RCAN3: variants seen among roughly 807,000 people sequenced by gnomAD.
The protein encoded by RCAN3 is calcipressin-3.
RCAN3 carries 19 observed loss-of-function variants against 21.9 expected under a neutral mutation model. The ratio of observed to expected loss-of-function variants is 0.87; its 90% CI spans 0.61 to 1.27. The LOEUF is 1.27. RCAN3 is among the 50% of genes most tolerant of loss of function. The probability of loss-of-function intolerance (pLI) is 0.00; values close to 1 mark genes in which losing one functional copy is unlikely to be tolerated. For missense variants in RCAN3, 240 were observed against 300.1 expected (o/e 0.80, Z 1.48); for synonymous variants, 114 against 112.3 (o/e 1.01, Z -0.09).
chr1:24,514,208 A>C (rs184680115), intron 1 of RCAN3, 106 bp from the exon 2 acceptor site: 45 of 505,568 alleles, frequency 8.9e-5, no homozygotes, highest in African/African-American at 8.8e-4. Flanking sequence ...TCATCGTTCT[A>C]AATAAAATTG....
At chr1:24,518,464 A>G (rs1310866975) in intron 2 of RCAN3, among the ~76,000 whole-genome samples, 1 of 152,210 alleles carries the variant, frequency 6.6e-6, no homozygotes, top group Non-Finnish European at 1.5e-5. Flanking sequence ...TTATGCATGT[A>G]CTCTGCTAAT....
At position 24,532,201 on chromosome 1, in the gene RCAN3, A is replaced by G. The variant is rs1649817413; in HGVS notation, c.369+810A>G. On this transcript the variant is annotated intron_variant, in intron 3 of 4. Transcript: ENST00000374395. ...GTTGCTGTCGTTCATTTCTCTCTTC[A>G]TCCATTTATTTATTTATTTATTATT... Among the ~76,000 whole-genome samples, 3 of 151,650 alleles carry G rather than the reference A, an allele frequency of 2.0e-5. 1 individual carries two copies. The South Asian group carries it at 6.2e-4, about 32-fold the overall frequency.
intron 2 of RCAN3, among the ~76,000 whole-genome samples, chr1:24,517,074 CTATTTTTTTG>C (rs1648381476): frequency 7.2e-6 from 1 of 139,190 alleles, no homozygotes. Flanking sequence ...ACAATCTTTT[CTATTTTTTTG>C]TTTTTTTTTG....
chr1:24,535,523 A>G lies in RCAN3; in HGVS notation c.*246A>G. ...AAGGAGAAGCCCCCAAGATGTGGCC[A>G]CCCTTAACCATTTTTAAATAGTAAC... On this transcript the variant is annotated 3_prime_UTR_variant, in exon 5 of 5. Coordinates refer to ENST00000374395, the MANE Select transcript of RCAN3 (RefSeq NM_013441.4). 1 of 383,882 alleles carries G rather than the reference A, an allele frequency of 2.6e-6. No individual in the cohort carries two copies. The highest frequency in any genetic ancestry group is 4.6e-6 in the Non-Finnish European group (1 of 219,598). The allele number at this position is 383,882 out of a possible 1,614,324, so 23.8% of individuals were successfully genotyped here. A position where few individuals can be genotyped will look rare whatever the true frequency, so the allele number is the denominator to read the frequency against.
At chr1:24,516,577 C>T (rs569969739) in intron 2 of RCAN3, among the ~76,000 whole-genome samples, 1 of 152,264 alleles carries the variant, frequency 6.6e-6, no homozygotes, top group Admixed American at 6.5e-5. Context: ...CAGGAGAAAT[C>T]GGACTAGAAG....
At chr1:24,526,307 G>T (rs890919473) in intron 2 of RCAN3, among the ~76,000 whole-genome samples, 4 of 152,106 alleles carry the variant, frequency 2.6e-5, no homozygotes, top group African/African-American at 7.2e-5. Flanking sequence ...GTCCAGGCTG[G>T]TCTCAAGTTC....
At chr1:24,513,063 C>G in intron 1 of RCAN3, among the ~76,000 whole-genome samples, 1 of 152,044 alleles carries the variant, frequency 6.6e-6, no homozygotes, top group South Asian at 2.1e-4. Context: ...CAGTGAAACC[C>G]CATCTCTACT....
rs948383411 is a variant in RCAN3, at chr1:24,539,668, C to T, written c.*4391C>T. On this transcript the variant is annotated 3_prime_UTR_variant, in exon 5 of 5. Transcript: ENST00000374395. ...CTTCATATTTTTATACAGACTATTT[C>T]ACAGACCATAGATTTATTTTAAAAG... The T allele has an allele frequency of 4.6e-5, 7 of 152,194 alleles. No homozygotes were observed. Among genetic ancestry groups the T allele is most frequent in the Non-Finnish European group, 8.8e-5 (6 of 68,038 alleles). 9.4% of individuals were successfully genotyped at this position (152,194 alleles called of 1,614,324 possible). A position where few individuals can be genotyped will look rare whatever the true frequency, so the allele number is the denominator to read the frequency against.
chr1:24,526,820 A>G (rs1649311249), intron 2 of RCAN3, among the ~76,000 whole-genome samples: 1 of 152,204 alleles, frequency 6.6e-6, no homozygotes, highest in Non-Finnish European at 1.5e-5. Flanking sequence ...CCAAGAACCA[A>G]ATGGGATGTG....
In RCAN3 at chr1:24,525,307, A is replaced by G. The variant is rs1374865447; in HGVS notation, c.196-5911A>G. ...TGTGTTGTTCTTAGCTATTTTAGGTACAAGGTATGTACTGTCATTTTGATG... is the reference window on the plus strand; with the variant it reads ...TGTGTTGTTCTTAGCTATTTTAGGTGCAAGGTATGTACTGTCATTTTGATG... On this transcript the variant is annotated intron_variant, in intron 2 of 4. Coordinates refer to ENST00000374395, the MANE Select transcript of RCAN3 (RefSeq NM_013441.4). This position sits in a 1 kb window ranked among gnomAD's most constrained non-coding sequence, Gnocchi z 4.1. Among the ~76,000 whole-genome samples, 3 of 152,222 alleles carry G rather than the reference A, an allele frequency of 2.0e-5. No individual in the cohort carries two copies. The highest frequency in any genetic ancestry group is 2.1e-4 in the South Asian group (1 of 4,836).
In RCAN3 at chr1:24,535,224, G is replaced by A. The variant is rs201388228; in HGVS notation, c.673G>A (p.Asp225Asn). The A allele has an allele frequency of 4.1e-5, 65 of 1,583,768 alleles. No individual in the cohort carries two copies. In the Admixed American group the frequency reaches 1.0e-3, roughly 25 times the overall value. The change falls in exon 5 of 5, where the codon GAC (aspartate) becomes AAC (asparagine). Residue 225 changes from aspartate to asparagine, a missense_variant. Physicochemically the swap from Asp to Asn is conservative, Grantham distance 23. Transcript: ENST00000374395. ...GAAAATTGCCCAGACGAGGCGCCCCGACCCTCCGACCGCAGCGTTGAATGA... is the reference window on the plus strand; with the variant it reads ...GAAAATTGCCCAGACGAGGCGCCCCAACCCTCCGACCGCAGCGTTGAATGA... The part of the protein sequence containing the change: ...KQKIAQTRRP[D>N]PPTAALNEPQ...
At chr1:24,505,225 C>CTTTTTTTTTTTTTTTTTT (rs1351108344) in intron 1 of RCAN3, among the ~76,000 whole-genome samples, 12 of 109,552 alleles carry the variant, frequency 1.1e-4, no homozygotes, top group South Asian at 3.0e-4. Flanking sequence ...TTTTTTTTCT[C>CTTTTTTTTTTTTTTTTTT]TTTTTTCTTT....
At chr1:24,519,400 T>G (rs1215813468) in intron 2 of RCAN3, among the ~76,000 whole-genome samples, 2 of 152,120 alleles carry the variant, frequency 1.3e-5, no homozygotes, top group Non-Finnish European at 2.9e-5. Context: ...TGAGGAGTTT[T>G]CAAAATATAA....
In RCAN3 at chr1:24,505,001, C is replaced by T. The variant is rs1177361179; in HGVS notation, c.-60+1851C>T. ...TTCTAGGTTATCTGTGAAAACAAGA[C>T]ATGGGTCATTGAAACATACAAAATA... On this transcript the variant is annotated intron_variant, in intron 1 of 4. Coordinates refer to ENST00000374395, the MANE Select transcript of RCAN3 (RefSeq NM_013441.4). Among the ~76,000 whole-genome samples, 3 of 152,284 alleles carry T rather than the reference C, an allele frequency of 2.0e-5. No individual in the cohort carries two copies. In the East Asian group the frequency reaches 5.8e-4, roughly 29 times the overall value.
At chr1:24,510,231 A>C (rs1187954038) in intron 1 of RCAN3, among the ~76,000 whole-genome samples, 1 of 152,220 alleles carries the variant, frequency 6.6e-6, no homozygotes, top group Admixed American at 6.5e-5. Flanking sequence ...TAAAGTCACC[A>C]GCTATGTTAG....
At chr1:24,506,964 A>G (rs1193231148) in intron 1 of RCAN3, among the ~76,000 whole-genome samples, 1 of 152,174 alleles carries the variant, frequency 6.6e-6, no homozygotes, top group African/African-American at 2.4e-5. Flanking sequence ...CCTCTTTTTA[A>G]TGGGTTGGGA....
At chr1:24,506,992 G>C (rs988926512) in intron 1 of RCAN3, among the ~76,000 whole-genome samples, 1 of 152,094 alleles carries the variant, frequency 6.6e-6, no homozygotes, top group African/African-American at 2.4e-5. Flanking sequence ...AGAAACATTA[G>C]TGCCTCTAAG....
At chr1:24,533,672 C>T (rs1299153420) in intron 4 of RCAN3, among the ~76,000 whole-genome samples, 17 of 152,104 alleles carry the variant, frequency 1.1e-4, no homozygotes, top group African/African-American at 3.1e-4. Flanking sequence ...TGGTGGCGTA[C>T]GCCTATAGTC....
chr1:24,530,356 C>CAAAAAAAAAAAAAAAAAAAAAAAAAAAAA (rs56914359), intron 2 of RCAN3, among the ~76,000 whole-genome samples: 2 of 81,516 alleles, frequency 2.5e-5, no homozygotes, highest in Non-Finnish European at 2.4e-5. Flanking sequence ...CTCTTATCTC[C>CAAAAAAAAAAAAAAAAAAAAAAAAAAAAA]AAAAAAAAAA....
Sources: gnomAD v4.1 joint callset for allele counts (sites outside exome capture counted in the v4.1 genomes callset) on GRCh38, gnomAD v4.1.1 for gene constraint, Gnocchi (gnomAD v3.1) non-coding constraint, MANE v1.5 for transcripts, NCBI Gene and HGNC (gene_info 2026-07-23, HGNC 2026-07-21) for gene names.